Variants in RMI1 observed in about 807,000 individuals in gnomAD.
RMI1 encodes recQ-mediated genome instability protein 1.
RMI1 carries 36 observed loss-of-function variants against 46.7 expected under a neutral mutation model. The ratio of observed to expected loss-of-function variants is 0.77; its 90% CI spans 0.59 to 1.02. The LOEUF is 1.02. Ranked by LOEUF, RMI1 falls within the 50% of genes least tolerant of loss-of-function variation. RMI1 has a pLI of 0.00. For missense variants in RMI1, 676 were observed against 713.7 expected, an observed-to-expected ratio of 0.95 and a Z score of 0.60; for synonymous variants, 250 against 252.9, an observed-to-expected ratio of 0.99 and a Z score of 0.11.
chr9:83,997,173 G>T (rs374346721), intron 1 of RMI1, among the ~76,000 whole-genome samples: 1 of 141,790 alleles, frequency 7.1e-6, no homozygotes, highest in Non-Finnish European at 1.5e-5. Context: ...GTGCAATGGC[G>T]CAACCTCAGC....
intron 1 of RMI1, among the ~76,000 whole-genome samples, chr9:83,986,665 A>T (rs964000171): frequency 4.6e-5 from 7 of 152,334 alleles, no homozygotes; most frequent in Admixed American, 3.9e-4. Context: ...CTTTAAAAAA[A>T]TTTTAAGTCT....
At chr9:83,992,618 C>T (rs1279516552) in intron 1 of RMI1, among the ~76,000 whole-genome samples, 3 of 152,178 alleles carry the variant, frequency 2.0e-5, no homozygotes, top group African/African-American at 4.8e-5. Context: ...CACTGCTCTG[C>T]ACATGTTCAT....
At chr9:83,988,614 C>T (rs577228617) in intron 1 of RMI1, among the ~76,000 whole-genome samples, 2 of 152,170 alleles carry the variant, frequency 1.3e-5, no homozygotes. Flanking sequence ...CAACTGTTTT[C>T]CTTTGTAGAA....
chr9:83,997,517 C>T (rs1010489792), intron 1 of RMI1, among the ~76,000 whole-genome samples: 13 of 151,798 alleles, frequency 8.6e-5, no homozygotes, highest in African/African-American at 2.4e-4. Context: ...TGTAACAGGG[C>T]GGGTCAGAGA....
intron 1 of RMI1, among the ~76,000 whole-genome samples, chr9:83,998,826 A>G (rs1957696595): frequency 6.6e-6 from 1 of 152,094 alleles, no homozygotes; most frequent in African/African-American, 2.4e-5. Flanking sequence ...GAACTTATCC[A>G]ATGTAGGAAT....
At chr9:83,990,169 T>G (rs1218760406) in intron 1 of RMI1, among the ~76,000 whole-genome samples, 1 of 151,978 alleles carries the variant, frequency 6.6e-6, no homozygotes, top group Non-Finnish European at 1.5e-5. Context: ...TACCAGAGGC[T>G]GGGAAGGGTA....
At chr9:83,990,507 T>C (rs1346762731) in intron 1 of RMI1, among the ~76,000 whole-genome samples, 2 of 101,174 alleles carry the variant, frequency 2.0e-5, no homozygotes, top group African/African-American at 2.8e-5. Flanking sequence ...TAGAATGCTG[T>C]CTTAAAAAAA....
chr9:83,982,293 A>G (rs296891), intron 1 of RMI1, among the ~76,000 whole-genome samples: 85,881 of 151,968 alleles, frequency 0.57, 25,124 homozygotes, highest in African/African-American at 0.71. Flanking sequence ...TTTCTTTCAA[A>G]TTAGGATTTA....
chr9:83,981,623 C>T (rs1957399023), intron 1 of RMI1, among the ~76,000 whole-genome samples: 1 of 152,202 alleles, frequency 6.6e-6, no homozygotes, highest in Admixed American at 6.5e-5. Context: ...CATCCTTACT[C>T]GTCAACCTTC....
chr9:83,982,541 G>A (rs11790088), intron 1 of RMI1, among the ~76,000 whole-genome samples: 38 of 152,094 alleles, frequency 2.5e-4, no homozygotes, highest in Admixed American at 4.6e-4. Flanking sequence ...GGTTGCAGGA[G>A]CCTGTAGTCC....
intron 1 of RMI1, among the ~76,000 whole-genome samples, chr9:83,987,237 A>C (rs948293041): frequency 6.6e-6 from 1 of 152,000 alleles, no homozygotes; most frequent in Non-Finnish European, 1.5e-5. Context: ...TAATTTTTGT[A>C]TGTTTAGTAG....
chr9:83,993,778 C>G (rs1035306126), intron 1 of RMI1, among the ~76,000 whole-genome samples: 2 of 151,586 alleles, frequency 1.3e-5, no homozygotes, highest in African/African-American at 4.8e-5. Context: ...CATTGTATAT[C>G]TTTTTATTAT....
In RMI1 at chr9:84,001,829, A is replaced by G. The variant is rs1304738416; in HGVS notation, c.843A>G (p.Arg281=). 2 of 1,613,966 alleles carry G rather than the reference A, an allele frequency of 1.2e-6. No homozygotes were observed. Among genetic ancestry groups the G allele is most frequent in the African/African-American group, 1.3e-5 (1 of 74,930 alleles). Residue 281 remains arginine (R), a synonymous_variant, in exon 3 of 3, where the codon AGA becomes AGG. Transcript: ENST00000445877. ...GTTCCTCAAATACCATTCCCACAAGACAGTCAAGTTTTGAGCCAGAATTTG... is the reference window on the plus strand; with the variant it reads ...GTTCCTCAAATACCATTCCCACAAGGCAGTCAAGTTTTGAGCCAGAATTTG... ...TGSSSNTIPT[R]QSSFEPEFVI... is the part of the protein sequence containing the mutation.
chr9:83,990,803 T>C (rs1287737937), intron 1 of RMI1, among the ~76,000 whole-genome samples: 2 of 151,308 alleles, frequency 1.3e-5, no homozygotes, highest in Non-Finnish European at 3.0e-5. Context: ...TTCTTTCTTT[T>C]TATTTATTTA....
intron 1 of RMI1, among the ~76,000 whole-genome samples, chr9:83,982,707 C>G (rs1294860400): frequency 1.3e-5 from 2 of 152,090 alleles, no homozygotes; most frequent in Non-Finnish European, 2.9e-5. Flanking sequence ...CCTCTTCCTC[C>G]CAGTTTCATT....
intron 1 of RMI1, among the ~76,000 whole-genome samples, chr9:83,990,023 G>A (rs1957545627): frequency 6.6e-6 from 1 of 152,178 alleles, no homozygotes; most frequent in South Asian, 2.1e-4. Context: ...ATGATATCCT[G>A]TCATTTCCAG....
At chr9:83,993,734 GTGATGTTGAGCATCTTTTCATA>G (rs1430889813) in intron 1 of RMI1, among the ~76,000 whole-genome samples, 1 of 152,036 alleles carries the variant, frequency 6.6e-6, no homozygotes, top group African/African-American at 2.4e-5. Context: ...TTTATGATTA[GTGATGTTGAGCATCTTTTCATA>G]TGCTTATTGA....
At chr9:83,989,633 C>T (rs1189440111) in intron 1 of RMI1, among the ~76,000 whole-genome samples, 3 of 148,138 alleles carry the variant, frequency 2.0e-5, no homozygotes, top group Non-Finnish European at 4.4e-5. Context: ...AATGAGATAT[C>T]GTCTCACCCC....
At chr9:83,988,842 G>A (rs1005692701) in intron 1 of RMI1, among the ~76,000 whole-genome samples, 10 of 151,894 alleles carry the variant, frequency 6.6e-5, no homozygotes, top group African/African-American at 1.9e-4. Context: ...TTTCCATATC[G>A]TTTTTCTTTT....
Sources: allele counts gnomAD v4.1 joint callset (sites outside exome capture counted in the v4.1 genomes callset), GRCh38; gene constraint gnomAD v4.1.1; transcripts MANE v1.5; gene names NCBI Gene and HGNC (gene_info 2026-07-23, HGNC 2026-07-21).